NTNG1: variants seen among roughly 807,000 people sequenced by gnomAD.
NTNG1 encodes the protein netrin G1.
In NTNG1, 16 loss-of-function variants were observed where a neutral mutation model predicts 54.0. The ratio of observed to expected loss-of-function variants is 0.30; its 90% confidence interval spans 0.20 to 0.45. The LOEUF (loss-of-function observed/expected upper bound fraction) is 0.45. Among genes scored for constraint, NTNG1 ranks in the 20% least tolerant of loss-of-function variants. The pLI, the probability that NTNG1 is intolerant of heterozygous loss-of-function variation, is 1.00. For missense variants in NTNG1, 530 were observed against 678.7 expected, an observed-to-expected ratio of 0.78 and a Z score of 2.43; for synonymous variants, 255 against 263.1, an observed-to-expected ratio of 0.97 and a Z score of 0.30.
intron 3 of NTNG1, among the ~76,000 whole-genome samples, chr1:107,392,056 G>T (rs1007434310): frequency 6.6e-6 from 1 of 152,142 alleles, no homozygotes; most frequent in Admixed American, 6.6e-5. Flanking sequence ...AATGGGTGAG[G>T]CAGGAAGCCA....
intron 3 of NTNG1, among the ~76,000 whole-genome samples, chr1:107,387,015 C>A (rs7532755): frequency 1.3e-5 from 2 of 152,248 alleles, no homozygotes; most frequent in East Asian, 3.9e-4. Flanking sequence ...TTGAGCATTT[C>A]TTCGTGTGCT....
intron 2 of NTNG1, among the ~76,000 whole-genome samples, chr1:107,153,234 A>G (rs1654724844): frequency 6.6e-6 from 1 of 152,184 alleles, no homozygotes; most frequent in African/African-American, 2.4e-5. Context: ...TATAATTTCA[A>G]GTTCTGATTT....
At chr1:107,352,395 G>T (rs1054912075) in intron 3 of NTNG1, among the ~76,000 whole-genome samples, 3 of 151,886 alleles carry the variant, frequency 2.0e-5, no homozygotes, top group Non-Finnish European at 4.4e-5. Context: ...GCAAGCTGTT[G>T]GTGTATCTAC....
At chr1:107,342,353 C>A (rs1668949465) in intron 3 of NTNG1, among the ~76,000 whole-genome samples, 1 of 151,826 alleles carries the variant, frequency 6.6e-6, no homozygotes, top group Non-Finnish European at 1.5e-5. Flanking sequence ...AAGAGGAATG[C>A]CATGGTTCAG....
chr1:107,160,666 C>T (rs1224828858), intron 2 of NTNG1, among the ~76,000 whole-genome samples: 3 of 152,096 alleles, frequency 2.0e-5, no homozygotes, highest in Non-Finnish European at 4.4e-5. Context: ...CTTACTACTG[C>T]CTGGAACTTC....
At chr1:107,395,814 A>T (rs1268299999) in intron 4 of NTNG1, among the ~76,000 whole-genome samples, 1 of 152,172 alleles carries the variant, frequency 6.6e-6, no homozygotes, top group Non-Finnish European at 1.5e-5. Context: ...TGCCTTGTGA[A>T]AAGTTTGGCT....
intron 2 of NTNG1, among the ~76,000 whole-genome samples, chr1:107,231,482 C>CT (rs1358609311): frequency 6.6e-6 from 1 of 152,136 alleles, no homozygotes; most frequent in Non-Finnish European, 1.5e-5. Context: ...AGATTGTATA[C>CT]TTTTTCTAGG....
intron 2 of NTNG1, among the ~76,000 whole-genome samples, chr1:107,279,005 G>A: frequency 6.6e-6 from 1 of 151,970 alleles, no homozygotes; most frequent in African/African-American, 2.4e-5. Flanking sequence ...TGATCCATAG[G>A]TTGATTCTAA....
At chr1:107,321,581 A>G (rs1667662326) in intron 2 of NTNG1, among the ~76,000 whole-genome samples, 1 of 152,132 alleles carries the variant, frequency 6.6e-6, no homozygotes, top group Non-Finnish European at 1.5e-5. Flanking sequence ...GCCCTCCAGG[A>G]TACGACTTCT....
chr1:107,179,652 G>A lies in NTNG1; in HGVS notation c.246+30813G>A, dbSNP rs191715647. On this transcript the variant is annotated intron_variant, in intron 2 of 7. Transcript: ENST00000370068. ...GCAGGTTTGTTACACAGGTAAACTT[G>A]TGTCATAGGGGTTTGTTGTCTAGAT... is the stretch of plus-strand genomic sequence containing the variant. Among the ~76,000 whole-genome samples the A allele has an allele frequency of 4.4e-3, 664 of 152,180 alleles. 5 individuals are homozygous for A. The highest frequency in any genetic ancestry group is 0.015 in the African/African-American group (639 of 41,532).
chr1:107,395,461 G>A (rs1343841896), intron 4 of NTNG1, 135 bp downstream of exon 4: 1 of 846,070 alleles, frequency 1.2e-6, no homozygotes, highest in Non-Finnish European at 2.0e-6. Context: ...GAAAGTTTCA[G>A]TCCCTATCTT....
chr1:107,413,987 G>A (rs1674022267), intron 5 of NTNG1, among the ~76,000 whole-genome samples: 2 of 152,108 alleles, frequency 1.3e-5, no homozygotes, highest in African/African-American at 4.8e-5. Flanking sequence ...TGTTCTTAAA[G>A]GCCATCCACA....
chr1:107,213,233 C>A (rs761084627), intron 2 of NTNG1, among the ~76,000 whole-genome samples: 3 of 151,922 alleles, frequency 2.0e-5, no homozygotes, highest in Non-Finnish European at 4.4e-5. Flanking sequence ...CAATCAAGCC[C>A]GTTACACTTG....
At chr1:107,142,322 C>T (rs546122198) in intron 1 of NTNG1, among the ~76,000 whole-genome samples, 1,819 of 147,692 alleles carry the variant, frequency 0.012, 28 homozygotes, top group African/African-American at 0.042. Flanking sequence ...TTTTTTTTTC[C>T]TTCAGAAATC....
rs150178987 is a variant in NTNG1 at position 107,289,272 on chromosome 1, G to T, written c.247-35010G>T. ...CTTCATCGGGAACCTTGTGCTATTA[G>T]TTATTACCTCATCCCCATGTATATG... On this transcript the variant is annotated intron_variant, in intron 2 of 7. Coordinates refer to ENST00000370068, the MANE Select transcript of NTNG1 (RefSeq NM_001113226.3). 1.4e-4 allele frequency among the ~76,000 whole-genome samples: 22 copies of T among 152,188 alleles called. No individual in the cohort carries two copies. The East Asian group carries it at 4.1e-3, about 28-fold the overall frequency.
At chr1:107,187,132 ATC>A (rs1570793955) in intron 2 of NTNG1, among the ~76,000 whole-genome samples, 1 of 151,908 alleles carries the variant, frequency 6.6e-6, no homozygotes, top group East Asian at 1.9e-4. Context: ...CAGTTATAGC[ATC>A]TGTTTCTTTT....
chr1:107,431,723 G>A (rs966398920), intron 6 of NTNG1, among the ~76,000 whole-genome samples: 1 of 152,070 alleles, frequency 6.6e-6, no homozygotes, highest in Non-Finnish European at 1.5e-5. Flanking sequence ...ACAATAAATG[G>A]AATTTCACTT....
At chr1:107,364,321 A>G (rs975380994) in intron 3 of NTNG1, among the ~76,000 whole-genome samples, 1 of 152,230 alleles carries the variant, frequency 6.6e-6, no homozygotes, top group Non-Finnish European at 1.5e-5. Context: ...AATGAGGTAC[A>G]GCACAATATT....
intron 7 of NTNG1, among the ~76,000 whole-genome samples, chr1:107,450,871 G>T (rs549118213): frequency 6.6e-6 from 1 of 152,164 alleles, no homozygotes; most frequent in South Asian, 2.1e-4. Context: ...TACTGGAAGG[G>T]TCTTGAATTA....
Sources: allele counts gnomAD v4.1 joint callset (sites outside exome capture counted in the v4.1 genomes callset), GRCh38; gene constraint gnomAD v4.1.1; transcripts MANE v1.5; gene names NCBI Gene and HGNC (gene_info 2026-07-23, HGNC 2026-07-21).